Variants in EYS observed in about 807,000 individuals in gnomAD.
EYS encodes protein eyes shut homolog.
In EYS, 250 loss-of-function variants were observed where a neutral mutation model predicts 282.1. The ratio of observed to expected loss-of-function variants is 0.89; its 90% CI spans 0.80 to 0.98. EYS has a LOEUF of 0.98. Among genes scored for constraint, EYS ranks in the 50% least tolerant of loss-of-function variants. The probability of loss-of-function intolerance (pLI) is 0.00; values close to 1 mark genes in which losing one functional copy is unlikely to be tolerated. For missense variants in EYS, 4,016 were observed against 3,709.0 expected (o/e 1.08, Z -2.15); for synonymous variants, 1,355 against 1,282.9 (o/e 1.06, Z -1.20).
chr6:64,452,265 C>G (rs1294529235), intron 26 of EYS, among the ~76,000 whole-genome samples: 19 of 151,998 alleles, frequency 1.3e-4, no homozygotes, highest in Non-Finnish European at 5.9e-5. Flanking sequence ...ACAATTGCTT[C>G]AAAGAGAATA....
intron 35 of EYS, among the ~76,000 whole-genome samples, chr6:63,978,272 T>TC (rs1554193727): frequency 6.6e-6 from 1 of 151,936 alleles, no homozygotes. Flanking sequence ...TGGTTAGCTT[T>TC]CCCCGCCACC....
intron 29 of EYS, among the ~76,000 whole-genome samples, chr6:64,353,736 A>T (rs989354520): frequency 1.3e-5 from 2 of 151,642 alleles, no homozygotes; most frequent in African/African-American, 2.4e-5. Context: ...AGTTAATAAA[A>T]GTGCAGGGAT....
chr6:65,567,139 C>T (rs1482916856), intron 2 of EYS, among the ~76,000 whole-genome samples: 1 of 151,906 alleles, frequency 6.6e-6, no homozygotes, highest in Non-Finnish European at 1.5e-5. Context: ...CTCTCTTGTC[C>T]TTCCACCTTC....
At chr6:63,913,801 C>A (rs192859488) in intron 35 of EYS, among the ~76,000 whole-genome samples, 5 of 152,220 alleles carry the variant, frequency 3.3e-5, no homozygotes, top group Admixed American at 2.6e-4. Context: ...TACAGACATA[C>A]CTTGTTTTAT....
chr6:65,168,704 A>G (rs1035647012), intron 12 of EYS, among the ~76,000 whole-genome samples: 2 of 151,248 alleles, frequency 1.3e-5, no homozygotes, highest in Non-Finnish European at 3.0e-5. Flanking sequence ...GTAAGGATAT[A>G]TTTATGTTCA....
At chr6:64,041,671 A>G (rs185981807) in intron 33 of EYS, among the ~76,000 whole-genome samples, 9 of 152,302 alleles carry the variant, frequency 5.9e-5, no homozygotes, top group African/African-American at 1.2e-4. Context: ...AGTACATACC[A>G]ATTTCCCTAT....
chr6:65,455,402 T>C (rs968335649), intron 5 of EYS, among the ~76,000 whole-genome samples: 4 of 152,110 alleles, frequency 2.6e-5, no homozygotes, highest in African/African-American at 7.2e-5. Context: ...CTTGATAGAA[T>C]CTTTAAGGTT....
chr6:65,109,829 AC>A (rs1019810754), intron 12 of EYS, among the ~76,000 whole-genome samples: 1 of 151,922 alleles, frequency 6.6e-6, no homozygotes, highest in African/African-American at 2.4e-5. Context: ...ACTTCTATTC[AC>A]CCTCTCGTAC....
chr6:64,321,897 A>G (rs1000003043), intron 29 of EYS, among the ~76,000 whole-genome samples: 1 of 151,946 alleles, frequency 6.6e-6, no homozygotes, highest in African/African-American at 2.4e-5. Flanking sequence ...GGAATACTTT[A>G]GTTCACAAAA....
At chr6:65,703,337 G>T (rs1234072639) in intron 1 of EYS, among the ~76,000 whole-genome samples, 1 of 152,080 alleles carries the variant, frequency 6.6e-6, no homozygotes, top group Non-Finnish European at 1.5e-5. Flanking sequence ...TACATGGATA[G>T]ATAGATATAT....
chr6:64,030,290 A>G (rs1274902151), intron 33 of EYS, among the ~76,000 whole-genome samples: 1 of 152,194 alleles, frequency 6.6e-6, no homozygotes, highest in Non-Finnish European at 1.5e-5. Flanking sequence ...TAAAGAAAAA[A>G]CAGTGTACCC....
chr6:64,659,667 C>A (rs1448437165), intron 22 of EYS, among the ~76,000 whole-genome samples: 6 of 151,980 alleles, frequency 3.9e-5, no homozygotes, highest in Admixed American at 6.5e-5. Flanking sequence ...ACACATACAC[C>A]CTCCCAAGAC....
At chr6:64,802,054 G>A (rs1184139604) in intron 22 of EYS, among the ~76,000 whole-genome samples, 1 of 62,202 alleles carries the variant, frequency 1.6e-5, no homozygotes, top group African/African-American at 7.1e-5. Flanking sequence ...TTTTTTTTGA[G>A]ACGGAGTCTC....
At chr6:64,597,808 T>C (rs612587) in intron 24 of EYS, among the ~76,000 whole-genome samples, 18,543 of 152,148 alleles carry the variant, frequency 0.12, 1,173 homozygotes, top group East Asian at 0.16. Flanking sequence ...GATTTCATCA[T>C]TATGCCATAT....
chr6:64,882,162 A>C (rs956405023), intron 19 of EYS, among the ~76,000 whole-genome samples: 1 of 151,754 alleles, frequency 6.6e-6, no homozygotes, highest in Non-Finnish European at 1.5e-5. Context: ...CAGTACCCAA[A>C]TACCAGGGAC....
At position 64,561,691 on chromosome 6, in the gene EYS, G is replaced by C. The variant is rs545581976; in HGVS notation, c.5644+28532C>G. The stretch of plus-strand genomic sequence containing the variant: ...AAATAAATCTGAGAAGACACAAATG[G>C]AAAAACCTCCCATGCTCATGGATAG... On this transcript the variant is annotated intron_variant, in intron 26 of 42. Transcript: ENST00000503581. Among the ~76,000 whole-genome samples the C allele has an allele frequency of 1.4e-3, 218 of 151,830 alleles. 1 individual carries two copies. Among genetic ancestry groups the C allele is most frequent in the Middle Eastern group, 6.8e-3 (2 of 294 alleles).
chr6:65,307,373 G>C (rs930253275), intron 11 of EYS, among the ~76,000 whole-genome samples: 5 of 152,086 alleles, frequency 3.3e-5, no homozygotes, highest in East Asian at 1.9e-4. Context: ...AAGCCATGTT[G>C]GTTCTAGGGC....
chr6:65,250,685 A>C (rs1469952825), intron 12 of EYS, among the ~76,000 whole-genome samples: 1 of 152,050 alleles, frequency 6.6e-6, no homozygotes, highest in African/African-American at 2.4e-5. Flanking sequence ...AAATATTCTC[A>C]TAATGAAAAA....
intron 13 of EYS, among the ~76,000 whole-genome samples, chr6:65,036,853 T>C (rs1772786554): frequency 6.6e-6 from 1 of 152,054 alleles, no homozygotes; most frequent in Non-Finnish European, 1.5e-5. Context: ...ATTTATACAC[T>C]GCTGGTGGGA....
Sources: gnomAD v4.1 joint callset for allele counts (sites outside exome capture counted in the v4.1 genomes callset) on GRCh38, gnomAD v4.1.1 for gene constraint, MANE v1.5 for transcripts, NCBI Gene and HGNC (gene_info 2026-07-23, HGNC 2026-07-21) for gene names.